The following ACBD3 variants were observed in gnomAD, a reference collection of about 807,000 sequenced individuals.
ACBD3 encodes the protein Golgi resident protein GCP60.
ACBD3 carries 30 observed loss-of-function variants against 66.9 expected under a neutral mutation model. The ratio of observed to expected loss-of-function variants is 0.45; its 90% CI spans 0.34 to 0.61. The LOEUF (loss-of-function observed/expected upper bound fraction) is 0.61. Among genes scored for constraint, ACBD3 ranks in the 20% least tolerant of loss-of-function variants. The pLI is 0.02. For missense variants in ACBD3, 544 were observed against 664.5 expected, an observed-to-expected ratio of 0.82 and a Z score of 1.99; for synonymous variants, 278 against 259.8, an observed-to-expected ratio of 1.07 and a Z score of -0.68.
chr1:226,149,150 T>C (rs1659513068), intron 7 of ACBD3, among the ~76,000 whole-genome samples: 1 of 151,922 alleles, frequency 6.6e-6, no homozygotes, highest in African/African-American at 2.4e-5. Context: ...TTTTAGAAGC[T>C]CTCTAATAGG....
In ACBD3 at chr1:226,170,283, G is replaced by A. The variant is rs755057053; in HGVS notation, c.287-4283C>T. ...CGCCATTCTCCTGCCTCAGCCTCCC[G>A]AGTAGCTGGGACTGCAGGCGCCCGC... On this transcript the variant is annotated intron_variant, in intron 1 of 7. Transcript: ENST00000366812. Among the ~76,000 whole-genome samples the A allele has an allele frequency of 1.1e-4, 16 of 147,444 alleles. No individual in the cohort carries two copies. In the South Asian group the frequency reaches 2.2e-3, roughly 20 times the overall value.
Position 226,146,775 on chromosome 1 carries a change from A to G in ACBD3, c.1422T>C (p.Pro474=). The change falls in exon 8 of 8, where the codon CCT becomes CCC. Residue 474 remains proline (P), a synonymous_variant. Transcript: ENST00000366812. ...EEKAKKNANK[P]LLDEIVPVYR... ...ACACAGGCACAATCTCATCCAGCAA[A>G]GGCTTGTTGGCATTCTTTTTGGCTT... is the stretch of plus-strand genomic sequence containing the variant. 6.2e-7 allele frequency: 1 copy of G among 1,614,114 alleles called. No homozygotes were observed.
chr1:226,183,910 G>A (rs1305013373), intron 1 of ACBD3, among the ~76,000 whole-genome samples: 1 of 143,848 alleles, frequency 7.0e-6, no homozygotes, highest in Non-Finnish European at 1.5e-5. Flanking sequence ...AAAAAAACCA[G>A]GCTGGGCACA....
intron 1 of ACBD3, among the ~76,000 whole-genome samples, chr1:226,173,757 C>CTTTTTTTTTTTTTTTTTT: frequency 3.2e-3 from 282 of 88,282 alleles, no homozygotes; most frequent in Non-Finnish European, 3.5e-3. Context: ...TTTTTCTTTT[C>CTTTTTTTTTTTTTTTTTT]TTTTTTTTTT....
intron 1 of ACBD3, among the ~76,000 whole-genome samples, chr1:226,178,574 CAAAAAAAA>C (rs57231361): frequency 1.2e-5 from 1 of 83,636 alleles, no homozygotes; most frequent in Admixed American, 1.5e-4. Context: ...GACTCCGTCT[CAAAAAAAA>C]AAAAAAAAAA....
chr1:226,163,848 A>G (rs953781442), intron 3 of ACBD3, among the ~76,000 whole-genome samples: 19 of 152,090 alleles, frequency 1.2e-4, no homozygotes, highest in African/African-American at 3.4e-4. Flanking sequence ...CGGCTGGGCA[A>G]GGTGGCTCAT....
chr1:226,146,063 A>G lies in ACBD3; in HGVS notation c.*547T>C, dbSNP rs1462528580. 1.3e-5 allele frequency: 2 copies of G among 153,090 alleles called. No individual in the cohort carries two copies. Among genetic ancestry groups the G allele is most frequent in the African/African-American group, 2.4e-5 (1 of 41,458 alleles). The allele number at this position is 153,090 out of a possible 1,614,324, so 9.5% of individuals were successfully genotyped here. On this transcript the variant is annotated 3_prime_UTR_variant, in exon 8 of 8. Coordinates refer to ENST00000366812, the MANE Select transcript of ACBD3 (RefSeq NM_022735.4). ...ACTCTGAACTAAACAGCTGCACCCA[A>G]AGCAGAAACAATCTGGGTCATTCTG...
chr1:226,175,225 A>G (rs189720550), intron 1 of ACBD3, among the ~76,000 whole-genome samples: 9 of 152,334 alleles, frequency 5.9e-5, no homozygotes, highest in African/African-American at 2.2e-4. Flanking sequence ...AAGTGACAGT[A>G]AAACACATTT....
intron 3 of ACBD3, among the ~76,000 whole-genome samples, chr1:226,164,174 T>C (rs1471445162): frequency 6.6e-6 from 1 of 151,334 alleles, no homozygotes; most frequent in African/African-American, 2.4e-5. Context: ...AAATTGGTTT[T>C]GTAGCATCAT....
chr1:226,159,150 C>T, intron 5 of ACBD3, 34 bp downstream of exon 5: 1 of 1,608,258 alleles, frequency 6.2e-7, no homozygotes, highest in Non-Finnish European at 8.5e-7. Flanking sequence ...TAAAAACTCT[C>T]TCTAAGGCTG....
intron 1 of ACBD3, among the ~76,000 whole-genome samples, chr1:226,169,314 C>T (rs1659941612): frequency 6.6e-6 from 1 of 151,930 alleles, no homozygotes; most frequent in Admixed American, 6.6e-5. Flanking sequence ...GTGGTGCGAT[C>T]TCGGCTCACT....
chr1:226,177,205 C>T (rs1048743685), intron 1 of ACBD3, among the ~76,000 whole-genome samples: 11 of 141,974 alleles, frequency 7.7e-5, no homozygotes, highest in Non-Finnish European at 1.5e-4. Flanking sequence ...TTGCTTTTGT[C>T]GCTTGAACCG....
intron 3 of ACBD3, among the ~76,000 whole-genome samples, chr1:226,164,087 A>G (rs1483193207): frequency 3.8e-5 from 5 of 133,206 alleles, no homozygotes; most frequent in African/African-American, 8.4e-5. Flanking sequence ...CTCCGGCCTG[A>G]GCAATAGCAA....
At chr1:226,167,390 T>C (rs952455923) in intron 1 of ACBD3, among the ~76,000 whole-genome samples, 1 of 152,212 alleles carries the variant, frequency 6.6e-6, no homozygotes, top group Non-Finnish European at 1.5e-5. Flanking sequence ...CCTTCAGAGG[T>C]TGCTACTTCA....
intron 4 of ACBD3, among the ~76,000 whole-genome samples, chr1:226,160,088 GCTT>G (rs1450434145): frequency 3.2e-4 from 47 of 148,898 alleles, no homozygotes; most frequent in African/African-American, 1.1e-3. Context: ...TAAACCACAT[GCTT>G]CTTCTTTTTT....
chr1:226,147,756 A>T (rs1659486216), intron 7 of ACBD3, among the ~76,000 whole-genome samples: 1 of 152,144 alleles, frequency 6.6e-6, no homozygotes, highest in Admixed American at 6.6e-5. Flanking sequence ...CCCGGTTAAG[A>T]GTTTTTTGAA....
intron 1 of ACBD3, among the ~76,000 whole-genome samples, chr1:226,170,028 A>C (rs1264118553): frequency 2.6e-5 from 4 of 151,518 alleles, no homozygotes; most frequent in Non-Finnish European, 5.9e-5. Flanking sequence ...CTCAAAAAAA[A>C]AAAAAAAAAA....
Position 226,146,342 on chromosome 1 carries a change from T to G in ACBD3, c.*268A>C, listed in dbSNP as rs763952551. ...TTTTGGAGACTTTAAATATTTAACATGTAGCTCATGTAACTTCAGCATCCA... is the reference window on the plus strand; with the variant it reads ...TTTTGGAGACTTTAAATATTTAACAGGTAGCTCATGTAACTTCAGCATCCA... On this transcript the variant is annotated 3_prime_UTR_variant, in exon 8 of 8. Transcript: ENST00000366812. The G allele has an allele frequency of 5.3e-6, 2 of 380,690 alleles. No individual in the cohort carries two copies. Among genetic ancestry groups the G allele is most frequent in the Admixed American group, 8.4e-5 (2 of 23,806 alleles). The allele number at this position is 380,690 out of a possible 1,614,324, so 23.6% of individuals were successfully genotyped here. A position where few individuals can be genotyped will look rare whatever the true frequency, so the allele number is the denominator to read the frequency against.
intron 1 of ACBD3, among the ~76,000 whole-genome samples, chr1:226,181,144 T>C (rs1237102290): frequency 6.6e-6 from 1 of 152,204 alleles, no homozygotes; most frequent in Non-Finnish European, 1.5e-5. Flanking sequence ...CTTAGGTCTA[T>C]ATATCCTCCT....
Sources: allele counts gnomAD v4.1 joint callset (sites outside exome capture counted in the v4.1 genomes callset), GRCh38; gene constraint gnomAD v4.1.1; transcripts MANE v1.5; gene names NCBI Gene and HGNC (gene_info 2026-07-23, HGNC 2026-07-21).